TFCP2L1: variants seen among roughly 807,000 people sequenced by gnomAD.
TFCP2L1 encodes the protein transcription factor CP2-like protein 1.
Under a neutral mutation model 72.2 loss-of-function variants are expected in TFCP2L1, and 12 were observed. The ratio of observed to expected loss-of-function variants is 0.17; its 90% CI spans 0.11 to 0.27. The LOEUF (loss-of-function observed/expected upper bound fraction) is 0.27. Among genes scored for constraint, TFCP2L1 ranks in the 10% least tolerant of loss-of-function variants. The pLI is 1.00. For synonymous variants in TFCP2L1, 260 were observed against 251.0 expected (o/e 1.04, Z -0.34); for missense variants, 488 against 624.6 (o/e 0.78, Z 2.33).
chr2:121,270,397 G>A (rs945182887), intron 2 of TFCP2L1, among the ~76,000 whole-genome samples: 4 of 152,166 alleles, frequency 2.6e-5, no homozygotes, highest in African/African-American at 9.7e-5. Context: ...GTACAAACTG[G>A]CACAACTTCA....
chr2:121,230,133 G>A (rs1014879254), intron 13 of TFCP2L1, among the ~76,000 whole-genome samples: 2 of 152,070 alleles, frequency 1.3e-5, no homozygotes, highest in African/African-American at 2.4e-5. Context: ...ATCCCATCCC[G>A]CTCCCACCAG....
Position 121,217,744 on chromosome 2 carries a change from C to G in TFCP2L1, c.*6597G>C, listed in dbSNP as rs1685860007. The G allele has an allele frequency of 1.3e-5, 2 of 152,340 alleles. No individual in the cohort carries two copies. The highest frequency in any genetic ancestry group is 2.1e-4 in the South Asian group (1 of 4,836). The allele number at this position is 152,340 out of a possible 1,614,324, so 9.4% of individuals were successfully genotyped here. A position where few individuals can be genotyped will look rare whatever the true frequency, so the allele number is the denominator to read the frequency against. On this transcript the variant is annotated 3_prime_UTR_variant, in exon 15 of 15. Coordinates refer to ENST00000263707, the MANE Select transcript of TFCP2L1 (RefSeq NM_014553.3). ...ACTGCTGCCCACCACTGCTCAAAGT[C>G]CTTCTCCACGCATCAACCCTGAGGG...
At chr2:121,235,515 C>T (rs922375856) in intron 10 of TFCP2L1, among the ~76,000 whole-genome samples, 2 of 150,150 alleles carry the variant, frequency 1.3e-5, no homozygotes, top group African/African-American at 2.5e-5. Context: ...ACAGTGAGTA[C>T]AACAGAAGCC....
In TFCP2L1 at chr2:121,249,060, G is replaced by A. The variant is rs1686548912; in HGVS notation, c.319C>T (p.Arg107Cys). ...TGGTGCTCCGTATACTGCAGCCGGC[G>A]GTCATGGAAGACCACACGGATGATG... ...KSIIRVVFHD[R>C]RLQYTEHQQL... The change falls in exon 4 of 15, where the codon CGC becomes TGC. Residue 107 changes from arginine (R) to cysteine (C), a missense_variant. Arg to Cys is a radical substitution (Grantham distance 180). This residue lies in a region of TFCP2L1 where 129 missense variants were observed against 236.0 expected (regional missense o/e 0.55). Transcript: ENST00000263707. 4 of 1,597,554 alleles carry A rather than the reference G, an allele frequency of 2.5e-6. No individual in the cohort carries two copies. The highest frequency in any genetic ancestry group is 2.3e-5 in the East Asian group (1 of 43,716).
At chr2:121,252,112 C>G (rs1461104416) in intron 2 of TFCP2L1, among the ~76,000 whole-genome samples, 2 of 152,296 alleles carry the variant, frequency 1.3e-5, no homozygotes, top group East Asian at 1.9e-4. Context: ...TGCAGTGGCA[C>G]AATCAAGACT....
chr2:121,248,905 G>A (rs1173746914), intron 4 of TFCP2L1, 77 bp downstream of exon 4: 6 of 1,193,070 alleles, frequency 5.0e-6, no homozygotes, highest in African/African-American at 1.5e-5. Flanking sequence ...GCATAGGTCC[G>A]GGTGGCATCC....
Position 121,249,539 on chromosome 2 carries a change from C to T in TFCP2L1, c.291+32G>A, listed in dbSNP as rs746454033. On this transcript the variant is annotated intron_variant, in intron 3 of 14. Transcript: ENST00000263707. Reference sequence around the variant, plus strand: ...CCAGACCCTAATCAAGCCCCTCTCCCCGAGGCAATGAGAACAGCCTGTGAG... The same window carrying T: ...CCAGACCCTAATCAAGCCCCTCTCCTCGAGGCAATGAGAACAGCCTGTGAG... The T allele has an allele frequency of 2.5e-6, 4 of 1,610,456 alleles. No individual in the cohort carries two copies. The East Asian group carries it at 8.9e-5, about 36-fold the overall frequency.
At chr2:121,231,191 G>A (rs1686136627) in intron 13 of TFCP2L1, among the ~76,000 whole-genome samples, 1 of 152,204 alleles carries the variant, frequency 6.6e-6, no homozygotes, top group Non-Finnish European at 1.5e-5. Flanking sequence ...ACACACTCCT[G>A]TTATTAGGTG....
At chr2:121,248,833 T>C in intron 4 of TFCP2L1, 149 bp downstream of exon 4, 1 of 508,876 alleles carries the variant, frequency 2.0e-6, no homozygotes, top group Non-Finnish European at 3.4e-6. Flanking sequence ...CAGTGTATGG[T>C]CAGCTCTGCA....
intron 2 of TFCP2L1, among the ~76,000 whole-genome samples, chr2:121,259,788 G>A (rs1480211996): frequency 6.6e-6 from 1 of 152,070 alleles, no homozygotes; most frequent in Non-Finnish European, 1.5e-5. Context: ...ATCTAACAAT[G>A]GGCAGAGAAG....
chr2:121,234,928 AG>A (rs1686213598), intron 11 of TFCP2L1, among the ~76,000 whole-genome samples: 1 of 152,238 alleles, frequency 6.6e-6, no homozygotes, highest in African/African-American at 2.4e-5. Flanking sequence ...AACATGGGCA[AG>A]TGGCTCAGAG....
At position 121,269,918 on chromosome 2, in the gene TFCP2L1, A is replaced by AAAAAAAAAAAAT; in HGVS notation, c.214+11201_214+11202insATTTTTTTTTTT. On this transcript the variant is annotated intron_variant, in intron 2 of 14. Coordinates refer to ENST00000263707, the MANE Select transcript of TFCP2L1 (RefSeq NM_014553.3). The stretch of plus-strand genomic sequence containing the variant: ...AGCAAGACTCCATCTAAAAAAAAAA[A>AAAAAAAAAAAAT]ATATATATATATATATATGCAAAAG... Among the ~76,000 whole-genome samples, 32 of 115,168 alleles carry AAAAAAAAAAAAT rather than the reference A, an allele frequency of 2.8e-4. 1 individual carries two copies. Among genetic ancestry groups the AAAAAAAAAAAAT allele is most frequent in the East Asian group, 1.5e-3 (4 of 2,640 alleles). The allele number at this position is 115,168 out of a possible 152,430, so 75.6% of individuals were successfully genotyped here.
chr2:121,227,013 T>C (rs1022751133), intron 13 of TFCP2L1, among the ~76,000 whole-genome samples: 1 of 152,198 alleles, frequency 6.6e-6, no homozygotes, highest in African/African-American at 2.4e-5. Flanking sequence ...ATGAACCAGA[T>C]GTGATGGAAT....
chr2:121,266,332 A>C (rs1686929798), intron 2 of TFCP2L1, among the ~76,000 whole-genome samples: 1 of 152,116 alleles, frequency 6.6e-6, no homozygotes, highest in Non-Finnish European at 1.5e-5. Context: ...TAGTGGCAGA[A>C]GGAAAGTAAC....
intron 11 of TFCP2L1, 26 bp from the exon 12 acceptor site, chr2:121,234,220 A>G (rs1426215898): frequency 6.2e-7 from 1 of 1,600,578 alleles, no homozygotes; most frequent in Non-Finnish European, 8.6e-7. Context: ...AAAATAAATA[A>G]TAGGTGTGGT....
At chr2:121,237,008 C>A (rs1428667392) in intron 10 of TFCP2L1, among the ~76,000 whole-genome samples, 1 of 152,246 alleles carries the variant, frequency 6.6e-6, no homozygotes, top group African/African-American at 2.4e-5. Flanking sequence ...CGTTTCTCTT[C>A]CACTGCCACA....
chr2:121,234,394 T>C (rs1686203109), intron 11 of TFCP2L1, 200 bp from the exon 12 acceptor site: 3 of 567,496 alleles, frequency 5.3e-6, no homozygotes, highest in Non-Finnish European at 6.3e-6. Flanking sequence ...CCCCAGACCA[T>C]GAAGCTCAAC....
intron 13 of TFCP2L1, among the ~76,000 whole-genome samples, chr2:121,226,980 C>T (rs1175730255): frequency 6.6e-6 from 1 of 152,196 alleles, no homozygotes; most frequent in African/African-American, 2.4e-5. Flanking sequence ...CTCCTACCAG[C>T]CCCGTCAGTC....
chr2:121,246,233 T>C (rs1370397245), intron 6 of TFCP2L1, among the ~76,000 whole-genome samples: 1 of 152,222 alleles, frequency 6.6e-6, no homozygotes, highest in Non-Finnish European at 1.5e-5. Context: ...CGTTGGCTAC[T>C]ATCTTCAGGA....
Sources: allele counts gnomAD v4.1 joint callset (sites outside exome capture counted in the v4.1 genomes callset), GRCh38; gene constraint gnomAD v4.1.1; regional missense constraint gnomAD v4.1.1; transcripts MANE v1.5; gene names NCBI Gene and HGNC (gene_info 2026-07-23, HGNC 2026-07-21).